Variants in LRRC40 observed in about 807,000 individuals in gnomAD.
The protein encoded by LRRC40 is leucine-rich repeat-containing protein 40.
LRRC40 carries 76 observed loss-of-function variants against 72.8 expected under a neutral mutation model. That is an observed-to-expected ratio of 1.04 (90% CI 0.87 to 1.26). LRRC40 has a LOEUF of 1.26. Ranked by LOEUF, LRRC40 falls within the 50% of genes most tolerant of loss-of-function variation. LRRC40 has a pLI of 0.00. For synonymous variants in LRRC40, 243 were observed against 254.2 expected (o/e 0.96, Z 0.42); for missense variants, 684 against 698.9 (o/e 0.98, Z 0.24).
intron 5 of LRRC40, chr1:70,180,247 A>C (rs1246688825): frequency 1.3e-5 from 2 of 152,146 alleles, no homozygotes; most frequent in African/African-American, 4.8e-5. Context: ...TCTGTTTCTG[A>C]CCTGGGTTGG....
chr1:70,190,677 T>TAAAAAAAAAAAAAAAAAAAAAAAAA (rs59341874), intron 1 of LRRC40, among the ~76,000 whole-genome samples: 24 of 54,330 alleles, frequency 4.4e-4, no homozygotes, highest in African/African-American at 1.6e-3. Context: ...ACCCTGTCTC[T>TAAAAAAAAAAAAAAAAAAAAAAAAA]AAAAAAAAAA....
At chr1:70,163,739 T>C (rs1250897131) in intron 9 of LRRC40, among the ~76,000 whole-genome samples, 1 of 152,222 alleles carries the variant, frequency 6.6e-6, no homozygotes, top group East Asian at 1.9e-4. Flanking sequence ...CATAGCTAGA[T>C]GATCCTGGTG....
chr1:70,147,644 A>G (rs1156497128), intron 14 of LRRC40, among the ~76,000 whole-genome samples: 6 of 152,218 alleles, frequency 3.9e-5, no homozygotes, highest in African/African-American at 9.7e-5. Context: ...TCTATAGAAC[A>G]TAACTGCCAC....
At chr1:70,175,423 T>C (rs962913534) in intron 7 of LRRC40, among the ~76,000 whole-genome samples, 2 of 152,184 alleles carry the variant, frequency 1.3e-5, no homozygotes, top group African/African-American at 4.8e-5. Flanking sequence ...TTTTTCTTAA[T>C]GTTTCTCAAA....
intron 6 of LRRC40, 50 bp downstream of exon 6, chr1:70,178,801 A>C: frequency 8.2e-7 from 1 of 1,226,048 alleles, no homozygotes; most frequent in Non-Finnish European, 1.1e-6. Flanking sequence ...ATGCATTTTA[A>C]TAATTAACTT....
chr1:70,199,221 A>T (rs1668681614), intron 1 of LRRC40, among the ~76,000 whole-genome samples: 1 of 119,086 alleles, frequency 8.4e-6, no homozygotes, highest in African/African-American at 2.7e-5. Context: ...AGTCTCACAC[A>T]CACACACACA....
chr1:70,189,305 A>AG (rs1308229971), intron 1 of LRRC40, 32 bp from the exon 2 acceptor site: 2 of 1,451,994 alleles, frequency 1.4e-6, no homozygotes, highest in African/African-American at 1.4e-5. Flanking sequence ...CAGGAAAAAA[A>AG]AAAAAAAAAA....
At chr1:70,183,510 CTCTG>C (rs1668294340) in intron 4 of LRRC40, among the ~76,000 whole-genome samples, 1 of 151,554 alleles carries the variant, frequency 6.6e-6, no homozygotes, top group Non-Finnish European at 1.5e-5. Flanking sequence ...ATTTTCTTTT[CTCTG>C]TCTCTTTCTT....
intron 1 of LRRC40, among the ~76,000 whole-genome samples, chr1:70,194,095 A>G (rs1316053989): frequency 6.6e-6 from 1 of 152,084 alleles, no homozygotes; most frequent in African/African-American, 2.4e-5. Context: ...GTAAGACAAA[A>G]AGAAGAAAAA....
intron 9 of LRRC40, among the ~76,000 whole-genome samples, chr1:70,160,781 T>C (rs536840561): frequency 6.6e-6 from 1 of 152,106 alleles, no homozygotes; most frequent in Non-Finnish European, 1.5e-5. Flanking sequence ...TTCCTTTCAT[T>C]ATATATCTTT....
intron 11 of LRRC40, among the ~76,000 whole-genome samples, chr1:70,153,101 C>T (rs1667546590): frequency 6.6e-6 from 1 of 152,056 alleles, no homozygotes; most frequent in Non-Finnish European, 1.5e-5. Context: ...TGGCTCACAC[C>T]TATAATCTCA....
At chr1:70,200,291 C>T (rs1668707411) in intron 1 of LRRC40, among the ~76,000 whole-genome samples, 1 of 152,044 alleles carries the variant, frequency 6.6e-6, no homozygotes. Context: ...TATAGCAAGA[C>T]CCCATCTCTG....
At chr1:70,198,852 T>C (rs764883549) in intron 1 of LRRC40, among the ~76,000 whole-genome samples, 3 of 152,052 alleles carry the variant, frequency 2.0e-5, no homozygotes, top group Non-Finnish European at 4.4e-5. Context: ...TCTAAATTTG[T>C]TAAAAATAAA....
At chr1:70,152,318 A>G (rs546840870) in intron 12 of LRRC40, 115 bp downstream of exon 12, 1 of 592,846 alleles carries the variant, frequency 1.7e-6, no homozygotes, top group African/African-American at 1.9e-5. Context: ...GTTAATAAAT[A>G]AAGGCCAGTT....
At chr1:70,170,985 T>C (rs1212628286) in intron 9 of LRRC40, among the ~76,000 whole-genome samples, 6 of 152,130 alleles carry the variant, frequency 3.9e-5, no homozygotes, top group Non-Finnish European at 8.8e-5. Flanking sequence ...ATCAAGACAG[T>C]GTGGAACTGG....
chr1:70,147,111 A>T (rs911394123), intron 14 of LRRC40: 1 of 152,196 alleles, frequency 6.6e-6, no homozygotes, highest in Non-Finnish European at 1.5e-5. Context: ...TATACCCCCA[A>T]ATCAATGTGT....
chr1:70,190,302 G>C (rs1668464553), intron 1 of LRRC40, among the ~76,000 whole-genome samples: 1 of 152,058 alleles, frequency 6.6e-6, no homozygotes, highest in Non-Finnish European at 1.5e-5. Context: ...GGACACTTAA[G>C]TGCAGTTTTG....
Position 70,159,420 on chromosome 1 carries a change from C to T in LRRC40, c.1130G>A (p.Ser377Asn). 1 of 1,590,040 alleles carries T rather than the reference C, an allele frequency of 6.3e-7. No individual in the cohort carries two copies. The highest frequency in any genetic ancestry group is 8.6e-7 in the Non-Finnish European group (1 of 1,162,680). ...CATGGCAGTCTCAGTAGCAGACTCA[C>T]TTTGGCTAGGTCCATCATCTGGCAA... ...SKIKDDGPSQ[S>N]ESATETAMTL... Residue 377 changes from serine (S) to asparagine (N), a missense_variant, in exon 10 of 15, where the codon AGT (serine) becomes AAT (asparagine). Coordinates refer to ENST00000370952, the MANE Select transcript of LRRC40 (RefSeq NM_017768.5).
chr1:70,150,127 C>T (rs1369928328), intron 13 of LRRC40, among the ~76,000 whole-genome samples: 2 of 152,220 alleles, frequency 1.3e-5, no homozygotes, highest in Middle Eastern at 3.4e-3. Flanking sequence ...CCATATCGGC[C>T]AGGCTGGTCT....
Sources: allele counts gnomAD v4.1 joint callset (sites outside exome capture counted in the v4.1 genomes callset), GRCh38; gene constraint gnomAD v4.1.1; transcripts MANE v1.5; gene names NCBI Gene and HGNC (gene_info 2026-07-23, HGNC 2026-07-21).